Variants in KLHL1 observed in about 807,000 individuals in gnomAD.
KLHL1 encodes the protein kelch-like protein 1.
In KLHL1, 47 loss-of-function variants were observed where a neutral mutation model predicts 77.7. The observed-to-expected ratio is 0.60, with a 90% CI of 0.48 to 0.77. The LOEUF is 0.77. KLHL1 is among the 30% of genes least tolerant of loss of function. KLHL1 has a pLI of 0.00. For synonymous variants in KLHL1, 360 were observed against 325.2 expected (o/e 1.11, Z -1.15); for missense variants, 925 against 910.8 (o/e 1.02, Z -0.20).
intron 7 of KLHL1, among the ~76,000 whole-genome samples, chr13:69,776,064 G>T (rs562642557): frequency 6.6e-6 from 1 of 151,860 alleles, no homozygotes; most frequent in East Asian, 2.0e-4. Flanking sequence ...GCTGAGGCAG[G>T]AGAATGGCAT....
chr13:69,715,424 C>T (rs1229142851), intron 9 of KLHL1, among the ~76,000 whole-genome samples: 1 of 152,044 alleles, frequency 6.6e-6, no homozygotes, highest in East Asian at 1.9e-4. Context: ...TGCCCGCTTC[C>T]CCTTCTCCCA....
chr13:70,007,236 G>A (rs1231888769), intron 1 of KLHL1, among the ~76,000 whole-genome samples: 3 of 151,850 alleles, frequency 2.0e-5, no homozygotes, highest in African/African-American at 7.3e-5. Context: ...ATTTTTATTT[G>A]AAAAATATTT....
chr13:69,835,853 C>T (rs919813243), intron 6 of KLHL1, among the ~76,000 whole-genome samples: 4 of 151,736 alleles, frequency 2.6e-5, no homozygotes, highest in African/African-American at 4.8e-5. Flanking sequence ...CATTAAAATT[C>T]ATAAATAAAT....
chr13:69,884,426 CAAAAAAAAAA>C (rs60883710), intron 4 of KLHL1, among the ~76,000 whole-genome samples: 1 of 64,900 alleles, frequency 1.5e-5, no homozygotes, highest in Non-Finnish European at 3.6e-5. Context: ...TCAGATTTTT[CAAAAAAAAAA>C]AAAAAAAAAA....
chr13:69,940,338 T>G lies in KLHL1; in HGVS notation c.818-102A>C, dbSNP rs1883327901. ...TTAGGCCAATCTGCTAGAACAGATC[T>G]AAACTGAGATTGGTAATCAAGATAA... On this transcript the variant is annotated intron_variant, in intron 3 of 10. Transcript: ENST00000377844. 2.8e-5 allele frequency: 21 copies of G among 743,400 alleles called. No homozygotes were observed. In the East Asian group the frequency reaches 6.2e-4, roughly 22 times the overall value. 46.1% of individuals were successfully genotyped at this position (743,400 alleles called of 1,614,324 possible).
intron 1 of KLHL1, among the ~76,000 whole-genome samples, chr13:70,054,261 A>G (rs939762972): frequency 9.2e-5 from 14 of 152,064 alleles, no homozygotes; most frequent in Non-Finnish European, 1.5e-4. Flanking sequence ...TATAAGAAAT[A>G]TCTATCTTGG....
chr13:70,047,876 T>C (rs1324630707), intron 1 of KLHL1, among the ~76,000 whole-genome samples: 1 of 152,212 alleles, frequency 6.6e-6, no homozygotes, highest in Non-Finnish European at 1.5e-5. Flanking sequence ...AAGGGGGAAG[T>C]GCAGTCTTGG....
chr13:70,077,611 A>G (rs572949262), intron 1 of KLHL1, among the ~76,000 whole-genome samples: 1 of 152,168 alleles, frequency 6.6e-6, no homozygotes, highest in Admixed American at 6.5e-5. Flanking sequence ...ATGTATCAAT[A>G]TGGTTTCATC....
intron 7 of KLHL1, among the ~76,000 whole-genome samples, chr13:69,789,196 G>C (rs78102845): frequency 0.036 from 5,499 of 151,960 alleles, 127 homozygotes; most frequent in Middle Eastern, 0.066. Flanking sequence ...CTTTAGGATC[G>C]ATCTATGCTA....
intron 1 of KLHL1, among the ~76,000 whole-genome samples, chr13:70,053,782 T>C (rs918825792): frequency 1.3e-5 from 2 of 152,154 alleles, no homozygotes; most frequent in African/African-American, 4.8e-5. Flanking sequence ...CACTTGTTTA[T>C]GCTTTCCTTC....
chr13:69,789,351 ATAT>A (rs1436798824), intron 7 of KLHL1, among the ~76,000 whole-genome samples: 1 of 151,882 alleles, frequency 6.6e-6, no homozygotes, highest in Non-Finnish European at 1.5e-5. Flanking sequence ...AAAAATCAAA[ATAT>A]TATTACATTA....
At chr13:70,038,261 C>A (rs773872470) in intron 1 of KLHL1, among the ~76,000 whole-genome samples, 6 of 152,272 alleles carry the variant, frequency 3.9e-5, no homozygotes, top group Non-Finnish European at 8.8e-5. Context: ...TACTGCTGAG[C>A]ATTATTCTGT....
intron 3 of KLHL1, among the ~76,000 whole-genome samples, chr13:69,952,268 G>A (rs1288086674): frequency 2.6e-5 from 4 of 151,382 alleles, no homozygotes; most frequent in African/African-American, 7.3e-5. Flanking sequence ...AATAATCAAT[G>A]GCATATGTTT....
At chr13:70,098,322 A>G (rs926163538) in intron 1 of KLHL1, among the ~76,000 whole-genome samples, 1 of 151,772 alleles carries the variant, frequency 6.6e-6, no homozygotes, top group Non-Finnish European at 1.5e-5. Context: ...TTTTGCTTTT[A>G]TTTTTGCTAA....
intron 1 of KLHL1, among the ~76,000 whole-genome samples, chr13:70,028,883 G>A (rs929748069): frequency 6.6e-6 from 1 of 151,884 alleles, no homozygotes; most frequent in Non-Finnish European, 1.5e-5. Context: ...AGATTGAGGT[G>A]GGAGGATCGC....
chr13:70,033,958 C>T (rs1230926898), intron 1 of KLHL1, among the ~76,000 whole-genome samples: 7 of 152,018 alleles, frequency 4.6e-5, no homozygotes, highest in Admixed American at 3.3e-4. Flanking sequence ...AGCCCTAATA[C>T]GGACGAAATA....
intron 1 of KLHL1, among the ~76,000 whole-genome samples, chr13:69,991,336 A>C (rs976412393): frequency 6.6e-6 from 1 of 151,952 alleles, no homozygotes; most frequent in Non-Finnish European, 1.5e-5. Flanking sequence ...GAGACACACA[A>C]AAAAAGCACA....
intron 1 of KLHL1, among the ~76,000 whole-genome samples, chr13:69,998,022 C>G (rs1297806592): frequency 6.6e-6 from 1 of 151,756 alleles, no homozygotes; most frequent in African/African-American, 2.4e-5. Context: ...TTGTGAAGAA[C>G]TGCAATACTG....
chr13:69,977,579 G>C (rs9317859), intron 1 of KLHL1, among the ~76,000 whole-genome samples: 93,191 of 151,864 alleles, frequency 0.61, 28,769 homozygotes, highest in Middle Eastern at 0.65. Flanking sequence ...CAAAAGCCAT[G>C]TGAGGAAATA....
Sources: gnomAD v4.1 joint callset for allele counts (sites outside exome capture counted in the v4.1 genomes callset) on GRCh38, gnomAD v4.1.1 for gene constraint, MANE v1.5 for transcripts, NCBI Gene and HGNC (gene_info 2026-07-23, HGNC 2026-07-21) for gene names.